The following ADAMTS17 variants were observed in gnomAD, a reference collection of about 807,000 sequenced individuals.
ADAMTS17 encodes the protein A disintegrin and metalloproteinase with thrombospondin motifs 17.
Under a neutral mutation model 141.5 loss-of-function variants are expected in ADAMTS17, and 113 were observed. The observed-to-expected ratio is 0.80, with a 90% CI of 0.69 to 0.93. The LOEUF is 0.93. ADAMTS17 is among the 40% of genes least tolerant of loss of function. The probability of loss-of-function intolerance (pLI) is 0.00; values close to 1 mark genes in which losing one functional copy is unlikely to be tolerated. For synonymous variants in ADAMTS17, 768 were observed against 630.6 expected (o/e 1.22, Z -3.27); for missense variants, 1,659 against 1,517.9 (o/e 1.09, Z -1.54).
At chr15:100,078,489 C>T (rs1177440905) in intron 15 of ADAMTS17, among the ~76,000 whole-genome samples, 2 of 152,122 alleles carry the variant, frequency 1.3e-5, no homozygotes, top group African/African-American at 4.8e-5. Context: ...CTTCAACCAA[C>T]AGTGTTGGGA....
At chr15:100,169,411 G>A (rs545203662) in intron 8 of ADAMTS17, among the ~76,000 whole-genome samples, 1 of 152,300 alleles carries the variant, frequency 6.6e-6, no homozygotes, top group Admixed American at 6.5e-5. Flanking sequence ...TGCCCACCAA[G>A]TGGGGAGTAC....
intron 8 of ADAMTS17, among the ~76,000 whole-genome samples, chr15:100,161,604 G>A (rs955662302): frequency 1.3e-5 from 2 of 152,340 alleles, no homozygotes; most frequent in East Asian, 1.9e-4. Flanking sequence ...GTGGGCAGAT[G>A]TGTATTTGTT....
At chr15:100,087,138 A>G (rs1369145121) in intron 15 of ADAMTS17, among the ~76,000 whole-genome samples, 2 of 152,246 alleles carry the variant, frequency 1.3e-5, no homozygotes, top group Non-Finnish European at 2.9e-5. Context: ...AATAGACACA[A>G]TACAAAATGA....
Position 100,094,312 on chromosome 15 carries a change from T to C in ADAMTS17, c.2137+2044A>G, listed in dbSNP as rs191025937. Among the ~76,000 whole-genome samples the C allele has an allele frequency of 2.6e-3, 392 of 152,362 alleles. 1 individual carries two copies. Among genetic ancestry groups the C allele is most frequent in the Admixed American group, 0.017 (261 of 15,300 alleles). ...TATGGTCCATCCTTCCATGGGGGACTCACTGTCATGGCCACAGGGGTCTGA... is the reference window on the plus strand; with the variant it reads ...TATGGTCCATCCTTCCATGGGGGACCCACTGTCATGGCCACAGGGGTCTGA... On this transcript the variant is annotated intron_variant, in intron 15 of 21. Transcript: ENST00000268070.
intron 2 of ADAMTS17, among the ~76,000 whole-genome samples, chr15:100,336,079 C>T (rs2046200044): frequency 6.6e-6 from 1 of 152,272 alleles, no homozygotes; most frequent in African/African-American, 2.4e-5. Context: ...AAGACTGCTT[C>T]ACTTCATCGT....
chr15:100,099,862 T>C (rs1016711181), intron 14 of ADAMTS17, among the ~76,000 whole-genome samples: 1 of 152,212 alleles, frequency 6.6e-6, no homozygotes, highest in East Asian at 1.9e-4. Flanking sequence ...CAGATCCGTG[T>C]GCTGAGGAGG....
chr15:99,980,325 A>C (rs2060458227), intron 20 of ADAMTS17: 1 of 152,264 alleles, frequency 6.6e-6, no homozygotes, highest in Non-Finnish European at 1.5e-5. Flanking sequence ...TGTTTCAAAA[A>C]AGTAAAAACT....
chr15:100,322,543 G>C (rs1456734483), intron 3 of ADAMTS17, among the ~76,000 whole-genome samples: 1 of 152,092 alleles, frequency 6.6e-6, no homozygotes, highest in Admixed American at 6.5e-5. Context: ...AAAATTACTT[G>C]ACACATGAAT....
intron 14 of ADAMTS17, among the ~76,000 whole-genome samples, chr15:100,100,182 G>C (rs1422900130): frequency 1.3e-5 from 2 of 151,608 alleles, no homozygotes; most frequent in Admixed American, 6.5e-5. Context: ...ACACCCCAGA[G>C]TGTGTGCTAA....
rs543792378 is a variant in ADAMTS17 at position 99,981,029 on chromosome 15, G to T, written c.2950-4807C>A. 2.6e-5 allele frequency among the ~76,000 whole-genome samples: 4 copies of T among 152,346 alleles called. No individual in the cohort carries two copies. In the East Asian group the frequency reaches 7.7e-4, roughly 29 times the overall value. ...CCTCAGGGCTGATGCCGGCCACTGAGGTTGGCACGGGTCCACGTCTTGCTC... is the reference window on the plus strand; with the variant it reads ...CCTCAGGGCTGATGCCGGCCACTGATGTTGGCACGGGTCCACGTCTTGCTC... On this transcript the variant is annotated intron_variant, in intron 20 of 21. Transcript: ENST00000268070.
chr15:100,293,464 C>A (rs1314488873), intron 3 of ADAMTS17, among the ~76,000 whole-genome samples: 1 of 152,088 alleles, frequency 6.6e-6, no homozygotes, highest in South Asian at 2.1e-4. Context: ...TCTGTACCTG[C>A]CCCATCAAAA....
chr15:100,094,107 G>T (rs990105022), intron 15 of ADAMTS17, among the ~76,000 whole-genome samples: 2 of 146,026 alleles, frequency 1.4e-5, no homozygotes, highest in Admixed American at 7.0e-5. Flanking sequence ...AAACTGCTGT[G>T]TACCTTAAAA....
chr15:100,208,858 G>A (rs1018271990), intron 7 of ADAMTS17, among the ~76,000 whole-genome samples: 1 of 152,140 alleles, frequency 6.6e-6, no homozygotes, highest in Non-Finnish European at 1.5e-5. Flanking sequence ...ATGAGTTGAT[G>A]AAGCTATAGT....
chr15:100,046,169 C>A (rs1039697791), intron 18 of ADAMTS17, among the ~76,000 whole-genome samples: 3 of 152,180 alleles, frequency 2.0e-5, no homozygotes, highest in African/African-American at 7.2e-5. Context: ...GTGTGTGCCC[C>A]CTCACCTAGG....
At chr15:100,042,707 A>G (rs1281719508) in intron 18 of ADAMTS17, among the ~76,000 whole-genome samples, 6 of 152,190 alleles carry the variant, frequency 3.9e-5, no homozygotes, top group Admixed American at 3.9e-4. Flanking sequence ...ACCAGCAGGG[A>G]GCAGAGACAC....
chr15:100,267,224 CAG>C (rs1380262461), intron 4 of ADAMTS17, among the ~76,000 whole-genome samples: 15 of 151,970 alleles, frequency 9.9e-5, no homozygotes, highest in African/African-American at 3.4e-4. Flanking sequence ...CTCATGTAAG[CAG>C]AGTCATTTAG....
chr15:100,037,896 C>A (rs1205649390), intron 18 of ADAMTS17, among the ~76,000 whole-genome samples: 2 of 152,006 alleles, frequency 1.3e-5, no homozygotes, highest in African/African-American at 2.4e-5. Context: ...CCCCCACCAC[C>A]CAAGTAGCTG....
At chr15:100,020,232 G>T (rs1032032278) in intron 18 of ADAMTS17, among the ~76,000 whole-genome samples, 1 of 152,112 alleles carries the variant, frequency 6.6e-6, no homozygotes, top group Admixed American at 6.5e-5. Context: ...TTCCACCCCC[G>T]CTGCTGCTCC....
intron 7 of ADAMTS17, among the ~76,000 whole-genome samples, chr15:100,233,102 G>A (rs1434381955): frequency 6.6e-6 from 1 of 152,194 alleles, no homozygotes; most frequent in African/African-American, 2.4e-5. Context: ...GCTAAGGATG[G>A]TGGATCACCT....
Sources: gnomAD v4.1 joint callset for allele counts (sites outside exome capture counted in the v4.1 genomes callset) on GRCh38, gnomAD v4.1.1 for gene constraint, MANE v1.5 for transcripts, NCBI Gene and HGNC (gene_info 2026-07-23, HGNC 2026-07-21) for gene names.